Variants in TASOR observed in about 807,000 individuals in gnomAD.
TASOR encodes the protein transcription activation suppressor.
Under a neutral mutation model 178.6 loss-of-function variants are expected in TASOR, and 53 were observed. That is an observed-to-expected ratio of 0.30 (90% CI 0.24 to 0.37). TASOR has a LOEUF of 0.37. Ranked by LOEUF, TASOR falls within the 10% of genes least tolerant of loss-of-function variation. The pLI is 1.00. For missense variants in TASOR, 1,815 were observed against 1,971.4 expected, an observed-to-expected ratio of 0.92 and a Z score of 1.50; for synonymous variants, 713 against 696.2, an observed-to-expected ratio of 1.02 and a Z score of -0.38.
chr3:56,653,924 T>C (rs926734802), intron 11 of TASOR, among the ~76,000 whole-genome samples: 2 of 152,226 alleles, frequency 1.3e-5, no homozygotes, highest in Admixed American at 6.5e-5. Flanking sequence ...TGAGTATTTA[T>C]TGACTATTTT....
intron 17 of TASOR, among the ~76,000 whole-genome samples, chr3:56,636,436 C>A (rs1007168859): frequency 1.3e-5 from 2 of 151,720 alleles, no homozygotes; most frequent in Non-Finnish European, 2.9e-5. Flanking sequence ...GACAGAGACT[C>A]GCTCTGCCAC....
chr3:56,671,525 G>T, intron 3 of TASOR, 75 bp downstream of exon 3: 1 of 1,083,000 alleles, frequency 9.2e-7, no homozygotes, highest in Non-Finnish European at 1.3e-6. Flanking sequence ...AAAGAATACT[G>T]TTGAATAATC....
Position 56,627,759 on chromosome 3 carries a change from CAAAAAG to C in TASOR, c.3871-24_3871-19del, listed in dbSNP as rs772974433. 2.0e-5 allele frequency: 32 copies of C among 1,604,804 alleles called. No homozygotes were observed. The South Asian group carries it at 3.6e-4, about 18-fold the overall frequency. ...CCAGGTATCTGTTTAAATCCCAAAA[CAAAAAG>C]AGAAACAGATGGAGGGAATGAATTG... On this transcript the variant is annotated intron_variant, in intron 19 of 23. Coordinates refer to ENST00000683822, the MANE Select transcript of TASOR (RefSeq NM_001365635.2).
chr3:56,645,300 C>T (rs1325725289), intron 14 of TASOR, among the ~76,000 whole-genome samples: 1 of 151,970 alleles, frequency 6.6e-6, no homozygotes, highest in Non-Finnish European at 1.5e-5. Flanking sequence ...ATAAAAAGAG[C>T]AGGAAAGTGA....
chr3:56,656,736 G>T (rs1302219468), intron 11 of TASOR, among the ~76,000 whole-genome samples: 1 of 152,014 alleles, frequency 6.6e-6, no homozygotes, highest in Non-Finnish European at 1.5e-5. Flanking sequence ...ACTAGGCTGG[G>T]CGCAGTGGCT....
chr3:56,631,365 GTAAACTCCA>G (rs2107540052), intron 18 of TASOR, among the ~76,000 whole-genome samples: 1 of 152,188 alleles, frequency 6.6e-6, no homozygotes, highest in South Asian at 2.1e-4. Flanking sequence ...GTCATGGTAA[GTAAACTCCA>G]TAAATGAGAG....
intron 23 of TASOR, 54 bp downstream of exon 23, chr3:56,624,425 C>G (rs962518809): frequency 1.3e-6 from 2 of 1,572,754 alleles, no homozygotes; most frequent in African/African-American, 2.7e-5. Context: ...AACAGCAAAA[C>G]CATTCCTCTT....
chr3:56,628,417 A>G (rs1283150394), intron 19 of TASOR, 75 bp downstream of exon 19: 1 of 1,297,504 alleles, frequency 7.7e-7, no homozygotes, highest in African/African-American at 1.5e-5. Flanking sequence ...TAAAAACACT[A>G]GTCTGGCAGA....
intron 6 of TASOR, among the ~76,000 whole-genome samples, chr3:56,666,777 A>G (rs2030035253): frequency 2.0e-5 from 3 of 152,340 alleles, no homozygotes; most frequent in African/African-American, 7.2e-5. Context: ...TGCTATTTCA[A>G]AAGAAAAACA....
Position 56,647,122 on chromosome 3 carries a change from G to A in TASOR, c.1615C>T (p.Arg539Ter). 1.2e-6 allele frequency: 2 copies of A among 1,606,946 alleles called. No homozygotes were observed. The highest frequency in any genetic ancestry group is 1.7e-6 in the Non-Finnish European group (2 of 1,178,406). Residue 539 changes from arginine to a stop codon, truncating the protein, a stop_gained, in exon 14 of 24, where the codon CGA becomes TGA. Transcript: ENST00000683822. LOFTEE classifies it high-confidence loss of function. ...QFLQFSLIQC[R>*]KEFKNISAIN... ...GCGCTTATATTTTTGAATTCCTTTC[G>A]ACACTGAATCAAAGAAAATTGTAAA... is the stretch of plus-strand genomic sequence containing the variant.
At chr3:56,634,800 A>T (rs1333872237) in intron 17 of TASOR, among the ~76,000 whole-genome samples, 2 of 152,226 alleles carry the variant, frequency 1.3e-5, no homozygotes, top group Non-Finnish European at 2.9e-5. Flanking sequence ...CCCCAAAAAA[A>T]TCCTAAATTC....
In TASOR at chr3:56,620,447, G is replaced by C. The variant is rs1194294901; in HGVS notation, c.*2590C>G. 1 of 152,216 alleles carries C rather than the reference G, an allele frequency of 6.6e-6. No individual in the cohort carries two copies. Among genetic ancestry groups the C allele is most frequent in the East Asian group, 1.9e-4 (1 of 5,204 alleles). The allele number at this position is 152,216 out of a possible 1,614,324, so 9.4% of individuals were successfully genotyped here. ...TCCTTACACCTTTGCTCCATCCCTT[G>C]GGCTTTAAAAAGAATGGCTGTAGTT... On this transcript the variant is annotated 3_prime_UTR_variant, in exon 24 of 24. Coordinates refer to ENST00000683822, the MANE Select transcript of TASOR (RefSeq NM_001365635.2).
intron 11 of TASOR, among the ~76,000 whole-genome samples, chr3:56,658,916 A>AG (rs373087081): frequency 6.7e-6 from 1 of 149,354 alleles, no homozygotes; most frequent in Non-Finnish European, 1.5e-5. Context: ...TCAAAAAAAA[A>AG]AGAGAGAGAG....
intron 14 of TASOR, among the ~76,000 whole-genome samples, chr3:56,646,189 GTAT>G (rs1163207981): frequency 2.6e-5 from 4 of 152,112 alleles, no homozygotes; most frequent in African/African-American, 9.7e-5. Context: ...GTTCTGATTA[GTAT>G]TATTATGTCA....
At chr3:56,627,913 T>C (rs2076832680) in intron 19 of TASOR, among the ~76,000 whole-genome samples, 172 bp from the exon 20 acceptor site, 1 of 152,150 alleles carries the variant, frequency 6.6e-6, no homozygotes. Context: ...TCCCAATATA[T>C]AAACCAACAT....
rs1559800988 is a variant in TASOR, at chr3:56,621,335, A to AAAAC, written c.*1698_*1701dup. On this transcript the variant is annotated 3_prime_UTR_variant, in exon 24 of 24. Transcript: ENST00000683822. ...TTCATCCCTATTGATTTTTATGCTAAAAACAGAATCTTACAAATGTGATAG... is the reference window on the plus strand; with the variant it reads ...TTCATCCCTATTGATTTTTATGCTAAAAACAAACAGAATCTTACAAATGTGATAG... 5.1e-6 allele frequency: 2 copies of AAAAC among 392,254 alleles called. No homozygotes were observed. The highest frequency in any genetic ancestry group is 2.1e-5 in the African/African-American group (1 of 48,244). 24.3% of individuals were successfully genotyped at this position (392,254 alleles called of 1,614,324 possible). A position where few individuals can be genotyped will look rare whatever the true frequency, so the allele number is the denominator to read the frequency against.
chr3:56,679,008 C>CAAAAAAAAAAA (rs5849163), intron 1 of TASOR, among the ~76,000 whole-genome samples: 2 of 116,794 alleles, frequency 1.7e-5, no homozygotes, highest in Non-Finnish European at 1.9e-5. Context: ...GCTCTGACTC[C>CAAAAAAAAAAA]AAAAAAAAAA....
chr3:56,627,595 C>T lies in TASOR; in HGVS notation c.4017G>A (p.Glu1339=). The change falls in exon 20 of 24, where the codon GAG becomes GAA. Residue 1339 remains glutamate (E), a synonymous_variant. Coordinates refer to ENST00000683822, the MANE Select transcript of TASOR (RefSeq NM_001365635.2). The stretch of plus-strand genomic sequence containing the variant: ...ACATCATCTTACCAACTGTGACAAC[C>T]TCTGGGTTTAGAATTGATTCATCAG... ...IVSDESILNP[E]VVTVENLKNF... is the part of the protein sequence containing the mutation. 1 of 1,613,994 alleles carries T rather than the reference C, an allele frequency of 6.2e-7. No homozygotes were observed. Among genetic ancestry groups the T allele is most frequent in the Middle Eastern group, 1.7e-4 (1 of 6,024 alleles).
At chr3:56,670,212 T>A (rs1186052257) in intron 3 of TASOR, 67 bp from the exon 4 acceptor site, 1 of 1,005,920 alleles carries the variant, frequency 9.9e-7, no homozygotes, top group Non-Finnish European at 1.4e-6. Context: ...AAAATAATTT[T>A]ATAAACTTGG....
Sources: allele counts gnomAD v4.1 joint callset (sites outside exome capture counted in the v4.1 genomes callset), GRCh38; gene constraint gnomAD v4.1.1; transcripts MANE v1.5; gene names NCBI Gene and HGNC (gene_info 2026-07-23, HGNC 2026-07-21).